KDM2A: variants seen among roughly 807,000 people sequenced by gnomAD.
KDM2A encodes lysine demethylase 2A, also known as lysine-specific demethylase 2A.
A neutral mutation model predicts 137.3 loss-of-function variants in KDM2A; 3 were observed. The observed-to-expected ratio is 0.02, with a 90% CI of 0.01 to 0.06. KDM2A has a LOEUF of 0.06. Among genes scored for constraint, KDM2A ranks in the 10% least tolerant of loss-of-function variants. The probability of loss-of-function intolerance (pLI) is 1.00; values close to 1 mark genes in which losing one functional copy is unlikely to be tolerated. For synonymous variants in KDM2A, 512 were observed against 541.5 expected (o/e 0.95, Z 0.76); for missense variants, 738 against 1,510.6 (o/e 0.49, Z 8.48).
chr11:67,208,195 GAAATCATAATAAATTTTAAAATT>G (rs1455534165), intron 6 of KDM2A, among the ~76,000 whole-genome samples: 1 of 151,234 alleles, frequency 6.6e-6, no homozygotes, highest in Admixed American at 6.6e-5. Flanking sequence ...TGCATTTTCC[GAAATCATAATAAATTTTAAAATT>G]TTAAAATTTA....
chr11:67,150,491 A>C (rs1371908883), intron 2 of KDM2A, among the ~76,000 whole-genome samples: 3 of 152,166 alleles, frequency 2.0e-5, no homozygotes, highest in African/African-American at 7.2e-5. Context: ...TTTGTTTACT[A>C]TTAGTACACA....
chr11:67,240,474 A>G (rs772747997), intron 12 of KDM2A: 9 of 908,624 alleles, frequency 9.9e-6, no homozygotes, highest in Admixed American at 8.0e-5. Context: ...GGGCGAGTCC[A>G]GGACAATGCT....
At chr11:67,181,175 G>A in intron 3 of KDM2A, 145 bp from the exon 4 acceptor site, 1 of 458,932 alleles carries the variant, frequency 2.2e-6, no homozygotes, top group Non-Finnish European at 3.8e-6. Flanking sequence ...TTCTTACTAA[G>A]CATATATTTT....
Position 67,176,108 on chromosome 11 carries a change from C to G in KDM2A, c.43-3971C>G, listed in dbSNP as rs573000148. On this transcript the variant is annotated intron_variant, in intron 2 of 20. Transcript: ENST00000529006. ...GCTTTTGAACTGTGATTTGTGGCAGCCAAGTTACTAGGTAAGAGAGTGTTC... is the reference window on the plus strand; with the variant it reads ...GCTTTTGAACTGTGATTTGTGGCAGGCAAGTTACTAGGTAAGAGAGTGTTC... Among the ~76,000 whole-genome samples the G allele has an allele frequency of 8.5e-5, 13 of 152,188 alleles. No homozygotes were observed. In the East Asian group the frequency reaches 2.5e-3, roughly 29 times the overall value.
Position 67,245,957 on chromosome 11 carries a change from C to T in KDM2A, c.1834-28C>T. On this transcript the variant is annotated intron_variant, in intron 14 of 20. Transcript: ENST00000529006. This position sits in a 1 kb window ranked among gnomAD's most constrained non-coding sequence, Gnocchi z 4.1. Reference sequence around the variant, plus strand: ...AATGATAAAGATCTGAGTCAGTTCTCTTGGATTCTATCTTTGTCCTCTTGT... The same window carrying T: ...AATGATAAAGATCTGAGTCAGTTCTTTTGGATTCTATCTTTGTCCTCTTGT... 1.6e-5 allele frequency: 26 copies of T among 1,612,726 alleles called. No individual in the cohort carries two copies. The highest frequency in any genetic ancestry group is 2.2e-5 in the Non-Finnish European group (26 of 1,179,054).
At chr11:67,201,662 G>A (rs915255704) in intron 5 of KDM2A, among the ~76,000 whole-genome samples, 2 of 150,886 alleles carry the variant, frequency 1.3e-5, no homozygotes, top group African/African-American at 2.4e-5. Context: ...CAGCTACTTG[G>A]GAGGCTGAAG....
At chr11:67,135,082 C>CTT (rs1855943337) in intron 2 of KDM2A, among the ~76,000 whole-genome samples, 1 of 150,924 alleles carries the variant, frequency 6.6e-6, no homozygotes, top group Admixed American at 6.6e-5. Flanking sequence ...TTTTTTTTCC[C>CTT]CCTGAGACGG....
chr11:67,131,500 C>T (rs1057252529), intron 2 of KDM2A, among the ~76,000 whole-genome samples: 3 of 150,996 alleles, frequency 2.0e-5, no homozygotes, highest in African/African-American at 4.9e-5. Flanking sequence ...AAACCTCTGC[C>T]TCCCAGGTTC....
At chr11:67,130,863 A>AT (rs1202348419) in intron 2 of KDM2A, among the ~76,000 whole-genome samples, 11,185 of 142,336 alleles carry the variant, frequency 0.079, 579 homozygotes, top group Middle Eastern at 0.19. Flanking sequence ...TTAAACCTTG[A>AT]TTTTTTTTTT....
chr11:67,147,992 T>TAA (rs1391550519), intron 2 of KDM2A, among the ~76,000 whole-genome samples: 1 of 151,982 alleles, frequency 6.6e-6, no homozygotes, highest in Non-Finnish European at 1.5e-5. Context: ...TAGAGAGTCT[T>TAA]ATAGCAAATG....
rs1316117786 is a variant in KDM2A, at chr11:67,254,693, G to A, written c.3308-181G>A. Among the ~76,000 whole-genome samples the A allele has an allele frequency of 6.6e-6, 1 of 152,190 alleles. No homozygotes were observed. Among genetic ancestry groups the A allele is most frequent in the Admixed American group, 6.5e-5 (1 of 15,282 alleles). On this transcript the variant is annotated intron_variant, in intron 20 of 20. Coordinates refer to ENST00000529006, the MANE Select transcript of KDM2A (RefSeq NM_012308.3). The surrounding 1 kb of genome is among the most constrained non-coding windows in gnomAD (Gnocchi z 4.7). Reference sequence around the variant, plus strand: ...TTGTGCTTGTTGTCATATGGTGATGGGAGTGAGGCAGCAGGGTCCCTTTGG... The same window carrying A: ...TTGTGCTTGTTGTCATATGGTGATGAGAGTGAGGCAGCAGGGTCCCTTTGG...
At chr11:67,239,565 A>G (rs1464430543) in intron 12 of KDM2A, among the ~76,000 whole-genome samples, 1 of 152,182 alleles carries the variant, frequency 6.6e-6, no homozygotes, top group Non-Finnish European at 1.5e-5. Flanking sequence ...AGATAACTCA[A>G]GAGGAACTCA....
chr11:67,149,225 C>G (rs377210244), intron 2 of KDM2A: 4 of 152,048 alleles, frequency 2.6e-5, no homozygotes, highest in East Asian at 1.9e-4. Flanking sequence ...GAGTCCCTTC[C>G]AGGTTCTAAC....
chr11:67,188,529 A>C (rs888098075), intron 5 of KDM2A, among the ~76,000 whole-genome samples: 3 of 150,640 alleles, frequency 2.0e-5, no homozygotes, highest in Admixed American at 6.6e-5. Flanking sequence ...GGTGCCTCAC[A>C]CGTCTGTAAT....
At chr11:67,146,574 T>A (rs1856253179) in intron 2 of KDM2A, among the ~76,000 whole-genome samples, 1 of 152,030 alleles carries the variant, frequency 6.6e-6, no homozygotes, top group Non-Finnish European at 1.5e-5. Flanking sequence ...AGTGGCATAA[T>A]CTAGGTTCAC....
Position 67,245,734 on chromosome 11 carries a change from A to G in KDM2A, c.1834-251A>G. The stretch of plus-strand genomic sequence containing the variant: ...TTTCTTTCCCCTCTTCAGGTAGATT[A>G]GAAAGGACCGGGGAGGCCAAGTATA... On this transcript the variant is annotated intron_variant, in intron 14 of 20. Transcript: ENST00000529006. The surrounding 1 kb of genome is among the most constrained non-coding windows in gnomAD (Gnocchi z 4.1). 2 of 600,408 alleles carry G rather than the reference A, an allele frequency of 3.3e-6. No individual in the cohort carries two copies. The highest frequency in any genetic ancestry group is 4.3e-5 in the South Asian group (2 of 46,990). 37.2% of individuals were successfully genotyped at this position (600,408 alleles called of 1,614,324 possible). A position where few individuals can be genotyped will look rare whatever the true frequency, so the allele number is the denominator to read the frequency against.
chr11:67,152,351 C>G (rs1856411373), intron 2 of KDM2A, among the ~76,000 whole-genome samples: 1 of 151,980 alleles, frequency 6.6e-6, no homozygotes, highest in African/African-American at 2.4e-5. Context: ...TGCAGTGGCT[C>G]ACACTTGTTA....
chr11:67,125,617 C>A, intron 2 of KDM2A, among the ~76,000 whole-genome samples: 1 of 151,676 alleles, frequency 6.6e-6, no homozygotes. Context: ...ACTAAAAATA[C>A]AAAAATTAGC....
At position 67,231,632 on chromosome 11, in the gene KDM2A, G is replaced by A. The variant is rs781524538; in HGVS notation, c.1151G>A (p.Arg384His). The A allele has an allele frequency of 1.2e-6, 2 of 1,612,650 alleles. No homozygotes were observed. Among genetic ancestry groups the A allele is most frequent in the Admixed American group, 1.7e-5 (1 of 59,742 alleles). Residue 384 changes from arginine to histidine, a missense_variant, in exon 12 of 21, where the codon CGC becomes CAC. Coordinates refer to ENST00000529006, the MANE Select transcript of KDM2A (RefSeq NM_012308.3). The part of the protein sequence containing the change: ...DEEAVDREPR[R>H]LSSRRSVLTS... The stretch of plus-strand genomic sequence containing the variant: ...GAAGCAGTGGATCGAGAACCCCGAC[G>A]CTTGAGCAGCAGGCGTTCTGTCCTC...
Sources: allele counts gnomAD v4.1 joint callset (sites outside exome capture counted in the v4.1 genomes callset), GRCh38; gene constraint gnomAD v4.1.1; non-coding constraint Gnocchi (gnomAD v3.1); transcripts MANE v1.5; gene names NCBI Gene and HGNC (gene_info 2026-07-23, HGNC 2026-07-21).